The following CDK6 variants were observed in gnomAD, a reference collection of about 807,000 sequenced individuals.
The protein encoded by CDK6 is cyclin dependent kinase 6, also known as cyclin-dependent kinase 6.
A neutral mutation model predicts 37.1 loss-of-function variants in CDK6; 6 were observed. The ratio of observed to expected loss-of-function variants is 0.16; its 90% CI spans 0.09 to 0.32. CDK6 has a LOEUF of 0.32. Among genes scored for constraint, CDK6 ranks in the 10% least tolerant of loss-of-function variants. The probability of loss-of-function intolerance (pLI) is 1.00; values close to 1 mark genes in which losing one functional copy is unlikely to be tolerated. For missense variants in CDK6, 224 were observed against 418.9 expected (o/e 0.53, Z 4.06); for synonymous variants, 160 against 161.3 (o/e 0.99, Z 0.06).
intron 3 of CDK6, among the ~76,000 whole-genome samples, chr7:92,731,945 G>C (rs1798660163): frequency 6.6e-6 from 1 of 152,156 alleles, no homozygotes; most frequent in Non-Finnish European, 1.5e-5. Context: ...AATTTCTTCA[G>C]AGCAGGAGAT....
In CDK6 at chr7:92,697,385, G is replaced by A. The variant is rs1197484666; in HGVS notation, c.538-25850C>T. On this transcript the variant is annotated intron_variant, in intron 4 of 7. Coordinates refer to ENST00000424848, the MANE Select transcript of CDK6 (RefSeq NM_001145306.2). Reference sequence around the variant, plus strand: ...AGTCGAAGTTTATCAAGAGTCTTCCGTACGCCTGGCACTTCACTAAGGACT... The same window carrying A: ...AGTCGAAGTTTATCAAGAGTCTTCCATACGCCTGGCACTTCACTAAGGACT... Among the ~76,000 whole-genome samples the A allele has an allele frequency of 3.9e-5, 6 of 152,268 alleles. No individual in the cohort carries two copies. The East Asian group carries it at 9.7e-4, about 25-fold the overall frequency.
chr7:92,770,751 C>G (rs1445436120), intron 3 of CDK6, among the ~76,000 whole-genome samples: 1 of 151,952 alleles, frequency 6.6e-6, no homozygotes, highest in African/African-American at 2.4e-5. Flanking sequence ...TATCCAAGTA[C>G]TGCCCAACTA....
At chr7:92,775,832 A>G (rs1003523021) in intron 2 of CDK6, among the ~76,000 whole-genome samples, 2 of 152,242 alleles carry the variant, frequency 1.3e-5, no homozygotes, top group African/African-American at 4.8e-5. Context: ...GCCTTCTTCA[A>G]AGAAACTATA....
intron 3 of CDK6, among the ~76,000 whole-genome samples, chr7:92,731,857 C>T (rs565641714): frequency 1.7e-4 from 26 of 152,144 alleles, no homozygotes; most frequent in African/African-American, 6.3e-4. Flanking sequence ...TAAATCATTA[C>T]CTCATCATAA....
chr7:92,817,090 C>T (rs1306318896), intron 2 of CDK6, among the ~76,000 whole-genome samples: 1 of 151,898 alleles, frequency 6.6e-6, no homozygotes, highest in African/African-American at 2.4e-5. Context: ...CAGATGACTT[C>T]ATTAGTAAAT....
At position 92,717,524 on chromosome 7, in the gene CDK6, GAAAA is replaced by G. The variant is rs755183504; in HGVS notation, c.537+8098_537+8101del. 2.6e-5 allele frequency among the ~76,000 whole-genome samples: 4 copies of G among 151,790 alleles called. No individual in the cohort carries two copies. In the East Asian group the frequency reaches 5.8e-4, roughly 22 times the overall value. On this transcript the variant is annotated intron_variant, in intron 4 of 7. Transcript: ENST00000424848. ...AGAAAAGAAAAAGAAAGAAAGAAAA[GAAAA>G]AGAAAGAAAGAAAGACAGACAACCA... is the stretch of plus-strand genomic sequence containing the variant.
chr7:92,762,315 C>T (rs575682694), intron 3 of CDK6, among the ~76,000 whole-genome samples: 48 of 151,970 alleles, frequency 3.2e-4, no homozygotes, highest in Non-Finnish European at 6.3e-4. Context: ...CTGTGATCAC[C>T]AACCTATTTC....
intron 2 of CDK6, among the ~76,000 whole-genome samples, chr7:92,809,901 A>C (rs1195955581): frequency 6.6e-6 from 1 of 152,196 alleles, no homozygotes; most frequent in Non-Finnish European, 1.5e-5. Context: ...GAGCATATGC[A>C]ACATCCTCGT....
At chr7:92,830,516 T>C (rs1297583560) in intron 2 of CDK6, among the ~76,000 whole-genome samples, 2 of 152,130 alleles carry the variant, frequency 1.3e-5, no homozygotes, top group African/African-American at 4.8e-5. Flanking sequence ...CCAGGGGCAA[T>C]AGTAAATCAC....
At chr7:92,786,003 A>C (rs1189610888) in intron 2 of CDK6, among the ~76,000 whole-genome samples, 1 of 152,244 alleles carries the variant, frequency 6.6e-6, no homozygotes, top group Admixed American at 6.5e-5. Context: ...GAGCTTGAAA[A>C]AGAGATTCTG....
chr7:92,798,233 T>C (rs1474966999), intron 2 of CDK6, among the ~76,000 whole-genome samples: 1 of 152,216 alleles, frequency 6.6e-6, no homozygotes, highest in Non-Finnish European at 1.5e-5. Flanking sequence ...TATATTTTAG[T>C]GCATAATACA....
intron 2 of CDK6, among the ~76,000 whole-genome samples, chr7:92,793,730 TAG>T (rs753501288): frequency 2.6e-5 from 4 of 152,072 alleles, no homozygotes; most frequent in Non-Finnish European, 5.9e-5. Context: ...TAAGCAATAT[TAG>T]AAAGAACAGA....
chr7:92,814,555 C>CAAAAAAAAAA (rs201939605), intron 2 of CDK6, among the ~76,000 whole-genome samples: 1 of 70,042 alleles, frequency 1.4e-5, no homozygotes, highest in African/African-American at 4.1e-5. Context: ...AACTGAATTG[C>CAAAAAAAAAA]AAAAAAAAAA....
chr7:92,718,711 G>A (rs986578954), intron 4 of CDK6, among the ~76,000 whole-genome samples: 2 of 152,186 alleles, frequency 1.3e-5, no homozygotes, highest in Non-Finnish European at 2.9e-5. Flanking sequence ...TTTGACCTGG[G>A]TAAGGAGGGA....
At chr7:92,713,667 T>TAAAAAAA (rs535072218) in intron 4 of CDK6, among the ~76,000 whole-genome samples, 12 of 67,204 alleles carry the variant, frequency 1.8e-4, no homozygotes, top group Non-Finnish European at 2.3e-4. Context: ...TTAAAAAAAG[T>TAAAAAAA]AAAAAAAAAA....
intron 2 of CDK6, among the ~76,000 whole-genome samples, chr7:92,801,253 GAACAACTTTTATTTATAA>G (rs1800566498): frequency 6.6e-6 from 1 of 152,074 alleles, no homozygotes; most frequent in South Asian, 2.1e-4. Context: ...TGGGAGCAGA[GAACAACTTTTATTTATAA>G]CAGGAATTCC....
At chr7:92,818,730 AATAAG>A (rs1221793119) in intron 2 of CDK6, among the ~76,000 whole-genome samples, 5 of 152,160 alleles carry the variant, frequency 3.3e-5, no homozygotes, top group Non-Finnish European at 4.4e-5. Context: ...CTTACAATAC[AATAAG>A]ATAACTCAAT....
chr7:92,649,336 T>C (rs1357189792), intron 5 of CDK6, among the ~76,000 whole-genome samples: 1 of 152,180 alleles, frequency 6.6e-6, no homozygotes, highest in Non-Finnish European at 1.5e-5. Flanking sequence ...ACATTATCTA[T>C]AAAGCCTCAC....
intron 2 of CDK6, among the ~76,000 whole-genome samples, chr7:92,779,899 A>G (rs1799944749): frequency 6.6e-6 from 1 of 152,208 alleles, no homozygotes; most frequent in Non-Finnish European, 1.5e-5. Context: ...TTTTGTCTAC[A>G]ATGACTCCCT....
Sources: gnomAD v4.1 joint callset for allele counts (sites outside exome capture counted in the v4.1 genomes callset) on GRCh38, gnomAD v4.1.1 for gene constraint, MANE v1.5 for transcripts, NCBI Gene and HGNC (gene_info 2026-07-23, HGNC 2026-07-21) for gene names.